The following IPO7 variants were observed in gnomAD, a reference collection of about 807,000 sequenced individuals.
The protein encoded by IPO7 is importin 7, also known as importin-7.
In IPO7, 13 loss-of-function variants were observed where a neutral mutation model predicts 136.4. That is an observed-to-expected ratio of 0.10 (90% confidence interval 0.06 to 0.15). IPO7 has a LOEUF of 0.15. Ranked by LOEUF, IPO7 falls within the 10% of genes least tolerant of loss-of-function variation. The pLI, the probability that IPO7 is intolerant of heterozygous loss-of-function variation, is 1.00. For missense variants in IPO7, 857 were observed against 1,240.6 expected (o/e 0.69, Z 4.65); for synonymous variants, 403 against 404.4 (o/e 1.00, Z 0.04).
chr11:9,408,180 A>T (rs1429305616), intron 2 of IPO7, among the ~76,000 whole-genome samples: 1 of 152,140 alleles, frequency 6.6e-6, no homozygotes, highest in Non-Finnish European at 1.5e-5. Flanking sequence ...GATTTAATTT[A>T]ACTCTCCTGT....
At chr11:9,392,567 A>G (rs1332618749) in intron 1 of IPO7, among the ~76,000 whole-genome samples, 8 of 152,024 alleles carry the variant, frequency 5.3e-5, no homozygotes, top group African/African-American at 1.9e-4. Context: ...GGATTCTTCT[A>G]CCTCCTGTGT....
chr11:9,409,406 G>A (rs1040884877), intron 3 of IPO7, among the ~76,000 whole-genome samples: 1 of 152,128 alleles, frequency 6.6e-6, no homozygotes, highest in African/African-American at 2.4e-5. Flanking sequence ...ACCATGCCTG[G>A]CCTGTAATTT....
chr11:9,442,609 T>C (rs1290487660), intron 24 of IPO7, among the ~76,000 whole-genome samples: 2 of 152,116 alleles, frequency 1.3e-5, no homozygotes, highest in African/African-American at 4.8e-5. Context: ...GAGACAGGGT[T>C]TCACTGTGTT....
chr11:9,419,545 T>TAAA (rs1178586532), intron 6 of IPO7, among the ~76,000 whole-genome samples: 2,815 of 91,582 alleles, frequency 0.031, 93 homozygotes, highest in South Asian at 0.046. Flanking sequence ...AGACTCTGTC[T>TAAA]AAAAAAAAAA....
At chr11:9,425,471 T>C (rs2133752349) in intron 12 of IPO7, 1 of 516,520 alleles carries the variant, frequency 1.9e-6, no homozygotes, top group East Asian at 3.2e-5. Context: ...CCGGGTGTGG[T>C]GGCTTATGCC....
rs1245812439 is a variant in IPO7, at chr11:9,433,555, T to C, written c.1882-15T>C. 3 of 1,603,878 alleles carry C rather than the reference T, an allele frequency of 1.9e-6. No homozygotes were observed. The highest frequency in any genetic ancestry group is 2.2e-5 in the South Asian group (2 of 90,652). On this transcript the variant is annotated splice_polypyrimidine_tract_variant and intron_variant, in intron 16 of 24. Coordinates refer to ENST00000379719, the MANE Select transcript of IPO7 (RefSeq NM_006391.3). ...TAGGCTGTAACTGCATATGATTTTT[T>C]TTCTTCTCTTTTAGATAACCCAACA...
At chr11:9,419,978 C>T (rs1008223906) in intron 6 of IPO7, among the ~76,000 whole-genome samples, 1 of 152,142 alleles carries the variant, frequency 6.6e-6, no homozygotes, top group African/African-American at 2.4e-5. Flanking sequence ...GAGGATGCCT[C>T]TTTGATTTAA....
chr11:9,396,393 C>T (rs1306104117), intron 1 of IPO7, among the ~76,000 whole-genome samples: 1 of 152,160 alleles, frequency 6.6e-6, no homozygotes, highest in African/African-American at 2.4e-5. Flanking sequence ...GAGACTCCAT[C>T]TCAAAAACAA....
At chr11:9,423,191 A>G in intron 9 of IPO7, 51 bp downstream of exon 9, 1 of 1,225,614 alleles carries the variant, frequency 8.2e-7, no homozygotes, top group Non-Finnish European at 1.1e-6. Context: ...TAGAAATGAC[A>G]TCAATTGCCA....
chr11:9,426,246 G>T (rs1211744349), intron 12 of IPO7, among the ~76,000 whole-genome samples: 2 of 152,068 alleles, frequency 1.3e-5, no homozygotes, highest in African/African-American at 2.4e-5. Context: ...GTTTATTGTG[G>T]ACATTTTATA....
chr11:9,410,646 A>G (rs925409393), intron 4 of IPO7, among the ~76,000 whole-genome samples: 1 of 152,200 alleles, frequency 6.6e-6, no homozygotes. Context: ...AGAAAAAAAG[A>G]TTTTAGGCCA....
chr11:9,388,814 A>G (rs10840229), intron 1 of IPO7, among the ~76,000 whole-genome samples: 79,059 of 151,846 alleles, frequency 0.52, 22,822 homozygotes, highest in Non-Finnish European at 0.65. Context: ...GCGTCCTCCC[A>G]TCTGAGCCTC....
intron 16 of IPO7, among the ~76,000 whole-genome samples, chr11:9,432,263 G>A (rs1030165062): frequency 1.1e-4 from 17 of 149,892 alleles, no homozygotes; most frequent in Admixed American, 3.3e-4. Flanking sequence ...GTGCAGTGGC[G>A]CCATCTTGGC....
chr11:9,437,584 C>T (rs1855397270), intron 20 of IPO7, among the ~76,000 whole-genome samples, 170 bp from the exon 21 acceptor site: 1 of 152,204 alleles, frequency 6.6e-6, no homozygotes. Context: ...TCCATGAAGA[C>T]TACTAGACTT....
At chr11:9,388,620 G>A (rs11042325) in intron 1 of IPO7, among the ~76,000 whole-genome samples, 7,240 of 151,860 alleles carry the variant, frequency 0.048, 242 homozygotes, top group South Asian at 0.078. Context: ...CTGAGACTAC[G>A]GGGATGTGCC....
chr11:9,438,053 T>G (rs951964477), intron 21 of IPO7, 27 bp from the exon 22 acceptor site: 160 of 471,250 alleles, frequency 3.4e-4, no homozygotes, highest in East Asian at 1.8e-3. Flanking sequence ...CAGTTTTTTT[T>G]TTTTTTTTTT....
chr11:9,407,524 C>G (rs764651601), intron 2 of IPO7, among the ~76,000 whole-genome samples: 11 of 152,144 alleles, frequency 7.2e-5, no homozygotes, highest in Admixed American at 2.0e-4. Context: ...CACTGCACTC[C>G]AGCCTGGTGA....
intron 8 of IPO7, among the ~76,000 whole-genome samples, chr11:9,422,006 G>A (rs1001541008): frequency 3.3e-5 from 5 of 152,216 alleles, no homozygotes; most frequent in South Asian, 4.1e-4. Flanking sequence ...TTGGCCGGGC[G>A]CGGTGGCTCA....
chr11:9,415,091 G>C (rs1041208664), intron 5 of IPO7, among the ~76,000 whole-genome samples: 5 of 151,804 alleles, frequency 3.3e-5, no homozygotes, highest in Non-Finnish European at 7.4e-5. Flanking sequence ...GCTGTGGTGG[G>C]CGCATCACCT....
Sources: allele counts gnomAD v4.1 joint callset (sites outside exome capture counted in the v4.1 genomes callset), GRCh38; gene constraint gnomAD v4.1.1; transcripts MANE v1.5; gene names NCBI Gene and HGNC (gene_info 2026-07-23, HGNC 2026-07-21).